PIH1D1: variants seen among roughly 807,000 people sequenced by gnomAD.
The protein encoded by PIH1D1 is PIH1 domain containing 1.
A neutral mutation model predicts 38.5 loss-of-function variants in PIH1D1; 28 were observed. The observed-to-expected ratio is 0.73, with a 90% CI of 0.54 to 1.00. The LOEUF (loss-of-function observed/expected upper bound fraction) is 1.00. Among genes scored for constraint, PIH1D1 ranks in the 50% least tolerant of loss-of-function variants. PIH1D1 has a pLI of 0.00. For synonymous variants in PIH1D1, 155 were observed against 153.5 expected (o/e 1.01, Z -0.07); for missense variants, 343 against 369.9 (o/e 0.93, Z 0.60).
At chr19:49,446,512 G>C (rs377692122) in intron 8 of PIH1D1, 39 bp downstream of exon 8, 52 of 1,605,708 alleles carry the variant, frequency 3.2e-5, no homozygotes, top group Non-Finnish European at 4.4e-5. Flanking sequence ...TCCAGGCCCC[G>C]CCAATGTCCC....
At position 49,449,644 on chromosome 19, in the gene PIH1D1, T is replaced by C; in HGVS notation, c.168A>G (p.Ile56Met). The change falls in exon 3 of 9, where the codon ATA becomes ATG. Residue 56 changes from isoleucine to methionine, a missense_variant. Transcript: ENST00000262265. ...CCTTCCCTTCCGAGGAGTTGGTCTTTATGCAGAAACCTGGTGGGAGTGGGT... is the reference window on the plus strand; with the variant it reads ...CCTTCCCTTCCGAGGAGTTGGTCTTCATGCAGAAACCTGGTGGGAGTGGGT... ...TQIQPQPGFC[I>M]KTNSSEGKVF... 1 of 1,613,754 alleles carries C rather than the reference T, an allele frequency of 6.2e-7. No homozygotes were observed. Among genetic ancestry groups the C allele is most frequent in the Non-Finnish European group, 8.5e-7 (1 of 1,179,694 alleles).
At chr19:49,446,885 G>C (rs540104822) in intron 7 of PIH1D1, 139 bp downstream of exon 7, 11 of 1,074,014 alleles carry the variant, frequency 1.0e-5, no homozygotes, top group Non-Finnish European at 1.6e-5. Flanking sequence ...GACAGCACCA[G>C]AAGGTGGCCT....
intron 7 of PIH1D1, 57 bp from the exon 8 acceptor site, chr19:49,446,751 C>G: frequency 6.7e-7 from 1 of 1,502,660 alleles, no homozygotes; most frequent in Non-Finnish European, 8.9e-7. Flanking sequence ...TCACCTGGAC[C>G]AGGCATGGTA....
chr19:49,448,259 A>C (rs1382440551), intron 3 of PIH1D1, 197 bp from the exon 4 acceptor site: 2 of 607,330 alleles, frequency 3.3e-6, no homozygotes, highest in Non-Finnish European at 5.9e-6. Flanking sequence ...TCTCCTGTCC[A>C]TCAGTGTGAT....
At chr19:49,448,280 TTG>T in intron 3 of PIH1D1, 1 of 586,904 alleles carries the variant, frequency 1.7e-6, no homozygotes, top group Non-Finnish European at 3.0e-6. Flanking sequence ...GTCACTAGAG[TTG>T]ACCCTATCCC....
intron 3 of PIH1D1, chr19:49,448,518 T>C (rs900872243): frequency 1.6e-5 from 3 of 188,750 alleles, no homozygotes; most frequent in Admixed American, 1.1e-4. Context: ...ACCTAGAACC[T>C]TCTTCTGTCT....
intron 5 of PIH1D1, 100 bp downstream of exon 5, chr19:49,447,727 C>T: frequency 4.7e-6 from 6 of 1,274,114 alleles, no homozygotes; most frequent in Admixed American, 1.7e-5. Flanking sequence ...AGCACAGACT[C>T]CAGGGCACCC....
chr19:49,447,807 G>A lies in PIH1D1; in HGVS notation c.481+20C>T. On this transcript the variant is annotated intron_variant, in intron 5 of 8. Coordinates refer to ENST00000262265, the MANE Select transcript of PIH1D1 (RefSeq NM_017916.3). ...CTCCTGGCTCCACTCTTTCCCGAGGGCCCAGGACCTGCCCCTCACCCGGAT... is the reference window on the plus strand; with the variant it reads ...CTCCTGGCTCCACTCTTTCCCGAGGACCCAGGACCTGCCCCTCACCCGGAT... 2 of 1,610,638 alleles carry A rather than the reference G, an allele frequency of 1.2e-6. No individual in the cohort carries two copies. Among genetic ancestry groups the A allele is most frequent in the African/African-American group, 1.3e-5 (1 of 74,972 alleles).
At chr19:49,448,250 C>G in intron 3 of PIH1D1, 188 bp from the exon 4 acceptor site, 1 of 617,862 alleles carries the variant, frequency 1.6e-6, no homozygotes, top group Non-Finnish European at 2.9e-6. Context: ...GGCCTCTTAT[C>G]TCCTGTCCAT....
intron 7 of PIH1D1, 143 bp from the exon 8 acceptor site, chr19:49,446,837 C>T: frequency 8.8e-7 from 1 of 1,141,912 alleles, no homozygotes; most frequent in Non-Finnish European, 1.3e-6. Context: ...TTACAAGTCT[C>T]AACGACCGAG....
chr19:49,447,136 C>G (rs1419426573), intron 6 of PIH1D1, 37 bp from the exon 7 acceptor site: 1 of 1,568,092 alleles, frequency 6.4e-7, no homozygotes. Context: ...AGCACAGCTG[C>G]CAGGTCTTTG....
chr19:49,450,942 G>A (rs2079054867), intron 1 of PIH1D1, 94 bp from the exon 2 acceptor site: 8 of 1,599,710 alleles, frequency 5.0e-6, no homozygotes, highest in Non-Finnish European at 4.3e-6. Flanking sequence ...CATGAGAGCT[G>A]TGGATAACGC....
intron 1 of PIH1D1, 159 bp from the exon 2 acceptor site, chr19:49,451,007 C>A: frequency 1.5e-6 from 2 of 1,347,218 alleles, no homozygotes; most frequent in Admixed American, 2.6e-5. Flanking sequence ...AAGAACAACC[C>A]CAACCCCATT....
At chr19:49,448,179 T>C in intron 3 of PIH1D1, 117 bp from the exon 4 acceptor site, 1 of 1,043,566 alleles carries the variant, frequency 9.6e-7, no homozygotes, top group Non-Finnish European at 1.4e-6. Context: ...GAGAGAGACA[T>C]AAGGAAGTGA....
Position 49,450,113 on chromosome 19 carries a change from A to G in PIH1D1, c.158-459T>C, listed in dbSNP as rs147435497. Reference sequence around the variant, plus strand: ...GTTTTCTCCTTGTTTGTTTTTTGAGACAGGGTCTCACTGTGTCACCCAGGT... The same window carrying G: ...GTTTTCTCCTTGTTTGTTTTTTGAGGCAGGGTCTCACTGTGTCACCCAGGT... On this transcript the variant is annotated intron_variant, in intron 2 of 8. Transcript: ENST00000262265. Among the ~76,000 whole-genome samples the G allele has an allele frequency of 9.5e-3, 1,433 of 151,246 alleles. 16 individuals carry two copies. Among genetic ancestry groups the G allele is most frequent in the South Asian group, 0.038 (183 of 4,764 alleles).
intron 7 of PIH1D1, 118 bp from the exon 8 acceptor site, chr19:49,446,812 GACAGAAGACAGCAATT>G (rs2079026255): frequency 8.3e-7 from 1 of 1,208,910 alleles, no homozygotes; most frequent in African/African-American, 1.5e-5. Context: ...CCCAGGAAGA[GACAGAAGACAGCAATT>G]ACAAGTCTCA....
intron 5 of PIH1D1, 94 bp from the exon 6 acceptor site, chr19:49,447,561 G>T: frequency 1.4e-6 from 2 of 1,463,520 alleles, no homozygotes; most frequent in Non-Finnish European, 9.3e-7. Flanking sequence ...CGGCTCACCA[G>T]GACTCTTGGG....
chr19:49,451,806 A>C lies in PIH1D1; in HGVS notation c.-232T>G, dbSNP rs1032910496. On this transcript the variant is annotated 5_prime_UTR_variant, in exon 1 of 9. Coordinates refer to ENST00000262265, the MANE Select transcript of PIH1D1 (RefSeq NM_017916.3). ...CACTACCCTCCGTCCTACGTGCCGA[A>C]CTGTAAACGAAGCCACACTTCCGGT... 3.1e-6 allele frequency: 4 copies of C among 1,285,130 alleles called. No individual in the cohort carries two copies. The highest frequency in any genetic ancestry group is 3.0e-6 in the Non-Finnish European group (3 of 985,794). The allele number at this position is 1,285,130 out of a possible 1,614,324, so 79.6% of individuals were successfully genotyped here. A position where few individuals can be genotyped will look rare whatever the true frequency, so the allele number is the denominator to read the frequency against.
chr19:49,451,450 G>T, intron 1 of PIH1D1, 35 bp downstream of exon 1: 1 of 1,612,782 alleles, frequency 6.2e-7, no homozygotes, highest in Non-Finnish European at 8.5e-7. Context: ...CAAAATCCCC[G>T]AATACTCAAG....
Sources: allele counts gnomAD v4.1 joint callset (sites outside exome capture counted in the v4.1 genomes callset), GRCh38; gene constraint gnomAD v4.1.1; transcripts MANE v1.5; gene names NCBI Gene and HGNC (gene_info 2026-07-23, HGNC 2026-07-21).